Variants in PCDH15 observed in about 807,000 individuals in gnomAD.
The protein encoded by PCDH15 is protocadherin related 15.
Under a neutral mutation model 178.5 loss-of-function variants are expected in PCDH15, and 129 were observed. That is an observed-to-expected ratio of 0.72 (90% CI 0.63 to 0.84). The LOEUF is 0.84. Ranked by LOEUF, PCDH15 falls within the 40% of genes least tolerant of loss-of-function variation. PCDH15 has a pLI of 0.00. For synonymous variants in PCDH15, 800 were observed against 732.0 expected, an observed-to-expected ratio of 1.09 and a Z score of -1.50; for missense variants, 2,230 against 2,099.9, an observed-to-expected ratio of 1.06 and a Z score of -1.21.
At chr10:54,547,848 A>G (rs537290545) in intron 2 of PCDH15, among the ~76,000 whole-genome samples, 2 of 152,158 alleles carry the variant, frequency 1.3e-5, no homozygotes, top group African/African-American at 2.4e-5. Flanking sequence ...ATATTTACTT[A>G]GTTAAAATCA....
chr10:55,373,265 C>G (rs1845549376), intron 2 of PCDH15, among the ~76,000 whole-genome samples: 1 of 152,010 alleles, frequency 6.6e-6, no homozygotes, highest in Non-Finnish European at 1.5e-5. Context: ...GCTCTGATAC[C>G]TTTATTAAAA....
At chr10:55,374,600 C>T (rs1469602754) in intron 2 of PCDH15, among the ~76,000 whole-genome samples, 3 of 151,764 alleles carry the variant, frequency 2.0e-5, no homozygotes, top group South Asian at 2.1e-4. Flanking sequence ...AGCTTTAAAT[C>T]GGCATGCATT....
chr10:55,327,164 C>A (rs539966456), intron 2 of PCDH15, among the ~76,000 whole-genome samples: 2 of 152,164 alleles, frequency 1.3e-5, no homozygotes, highest in Admixed American at 1.3e-4. Flanking sequence ...AACGAGACCC[C>A]AGCAATATAT....
intron 25 of PCDH15, among the ~76,000 whole-genome samples, chr10:53,921,038 T>A (rs1045520435): frequency 6.6e-6 from 1 of 152,208 alleles, no homozygotes; most frequent in Non-Finnish European, 1.5e-5. Flanking sequence ...TACAACTACT[T>A]AGTGTAATGA....
intron 3 of PCDH15, among the ~76,000 whole-genome samples, chr10:54,525,772 T>C (rs1161698091): frequency 6.6e-6 from 1 of 152,232 alleles, no homozygotes; most frequent in Non-Finnish European, 1.5e-5. Flanking sequence ...AATAATTGTG[T>C]CATTGGGAAG....
chr10:53,809,625 G>A, intron 37 of PCDH15: 3 of 1,370,082 alleles, frequency 2.2e-6, no homozygotes, highest in Non-Finnish European at 3.0e-6. Context: ...AAGCTACGCA[G>A]GAATGAATCT....
chr10:55,503,215 A>G (rs1840692584), intron 2 of PCDH15, among the ~76,000 whole-genome samples: 1 of 151,200 alleles, frequency 6.6e-6, no homozygotes, highest in African/African-American at 2.4e-5. Flanking sequence ...CCTCAATACA[A>G]TTACAAAGTT....
At chr10:54,653,398 T>C (rs2094306596) in intron 2 of PCDH15, among the ~76,000 whole-genome samples, 1 of 152,136 alleles carries the variant, frequency 6.6e-6, no homozygotes, top group Non-Finnish European at 1.5e-5. Flanking sequence ...AGCTACAGAG[T>C]TTTGGAGCCA....
intron 2 of PCDH15, among the ~76,000 whole-genome samples, chr10:55,138,113 C>A (rs1472134001): frequency 6.6e-6 from 1 of 152,102 alleles, no homozygotes; most frequent in Non-Finnish European, 1.5e-5. Flanking sequence ...GCTGCTATAG[C>A]TGTTGTAAGT....
At chr10:53,917,139 G>A (rs2083593848) in intron 25 of PCDH15, among the ~76,000 whole-genome samples, 1 of 152,084 alleles carries the variant, frequency 6.6e-6, no homozygotes, top group Admixed American at 6.6e-5. Context: ...AAAGTACTGT[G>A]TCCTATTAAA....
intron 2 of PCDH15, among the ~76,000 whole-genome samples, chr10:55,621,460 T>A (rs1216341821): frequency 6.6e-6 from 1 of 152,164 alleles, no homozygotes; most frequent in Non-Finnish European, 1.5e-5. Context: ...TGTTAGGAAC[T>A]GGGCCTCACA....
At chr10:55,222,730 C>CACACACACACACACACACATAT in intron 1 of PCDH15, among the ~76,000 whole-genome samples, 3 of 121,268 alleles carry the variant, frequency 2.5e-5, no homozygotes, top group African/African-American at 1.0e-4. Context: ...CACACACACA[C>CACACACACACACACACACATAT]ATATATATAT....
rs1169052151 is a variant in PCDH15 at position 54,168,873 on chromosome 10, C to T, written c.1590+14571G>A. On this transcript the variant is annotated intron_variant, in intron 13 of 37. Coordinates refer to ENST00000644397, the MANE Select transcript of PCDH15 (RefSeq NM_001384140.1). Reference sequence around the variant, plus strand: ...CCCCACAACAGGATTTAATTAACCTCGCCTTCAAGGTGTACAATAATAGAA... The same window carrying T: ...CCCCACAACAGGATTTAATTAACCTTGCCTTCAAGGTGTACAATAATAGAA... Among the ~76,000 whole-genome samples the T allele has an allele frequency of 1.8e-4, 27 of 152,114 alleles. No homozygotes were observed. In the East Asian group the frequency reaches 3.1e-3, roughly 17 times the overall value.
chr10:53,809,200 C>A, intron 37 of PCDH15: 2 of 1,613,958 alleles, frequency 1.2e-6, no homozygotes, highest in East Asian at 2.2e-5. Context: ...CTCAGACTCA[C>A]TGAACTCAGA....
rs181262121 is a variant in PCDH15, at chr10:53,882,830, T to C, written c.3502-15973A>G. Among the ~76,000 whole-genome samples, 502 of 152,324 alleles carry C rather than the reference T, an allele frequency of 3.3e-3. 1 individual carries two copies. Among genetic ancestry groups the C allele is most frequent in the African/African-American group, 0.012 (489 of 41,566 alleles). ...ATCTAATTATTAATGTTCTGTATTA[T>C]GTGTAAAGATGAAAAATTGTAAAAA... is the stretch of plus-strand genomic sequence containing the variant. On this transcript the variant is annotated intron_variant, in intron 26 of 37. Coordinates refer to ENST00000644397, the MANE Select transcript of PCDH15 (RefSeq NM_001384140.1).
chr10:55,258,902 G>T (rs1419602940), intron 1 of PCDH15, among the ~76,000 whole-genome samples: 2 of 151,856 alleles, frequency 1.3e-5, no homozygotes, highest in African/African-American at 4.8e-5. Context: ...AAACTCATCA[G>T]ATTATAGCAT....
At chr10:55,559,688 A>T (rs1473780343) in intron 2 of PCDH15, among the ~76,000 whole-genome samples, 1 of 151,924 alleles carries the variant, frequency 6.6e-6, no homozygotes, top group Non-Finnish European at 1.5e-5. Context: ...CCTAGAGTTG[A>T]ATTTTCTTTT....
At chr10:54,653,246 G>A (rs192242756) in intron 2 of PCDH15, among the ~76,000 whole-genome samples, 137 of 152,260 alleles carry the variant, frequency 9.0e-4, no homozygotes, top group African/African-American at 3.1e-3. Flanking sequence ...GAGTATCCAC[G>A]TGACCATTAT....
At chr10:55,123,707 C>G (rs1362096152) in intron 2 of PCDH15, among the ~76,000 whole-genome samples, 1 of 152,144 alleles carries the variant, frequency 6.6e-6, no homozygotes, top group Non-Finnish European at 1.5e-5. Flanking sequence ...ACTTATATAA[C>G]TCAAATCCCA....
Sources: allele counts gnomAD v4.1 joint callset (sites outside exome capture counted in the v4.1 genomes callset), GRCh38; gene constraint gnomAD v4.1.1; transcripts MANE v1.5; gene names NCBI Gene and HGNC (gene_info 2026-07-23, HGNC 2026-07-21).